The following PCDH9 variants were observed in gnomAD, a reference collection of about 807,000 sequenced individuals.
PCDH9 encodes protocadherin-9.
In PCDH9, 24 loss-of-function variants were observed where a neutral mutation model predicts 70.6. The ratio of observed to expected loss-of-function variants is 0.34; its 90% confidence interval spans 0.25 to 0.48. PCDH9 has a LOEUF of 0.48. PCDH9 is among the 20% of genes least tolerant of loss of function. PCDH9 has a pLI of 0.99. For synonymous variants in PCDH9, 562 were observed against 558.5 expected, an observed-to-expected ratio of 1.01 and a Z score of -0.09; for missense variants, 1,281 against 1,503.6, an observed-to-expected ratio of 0.85 and a Z score of 2.45.
intron 3 of PCDH9, among the ~76,000 whole-genome samples, chr13:66,737,773 T>A (rs552210866): frequency 2.6e-5 from 4 of 152,252 alleles, no homozygotes; most frequent in Non-Finnish European, 5.9e-5. Flanking sequence ...CACCCGAATA[T>A]TGCGCTTTTC....
At chr13:66,825,624 C>T (rs988222146) in intron 3 of PCDH9, among the ~76,000 whole-genome samples, 2 of 151,988 alleles carry the variant, frequency 1.3e-5, no homozygotes, top group Non-Finnish European at 2.9e-5. Context: ...CGTGAGCCAC[C>T]GCGCCCGGCC....
intron 4 of PCDH9, among the ~76,000 whole-genome samples, chr13:66,620,620 T>A (rs2077410690): frequency 6.6e-6 from 1 of 152,214 alleles, no homozygotes; most frequent in Admixed American, 6.5e-5. Flanking sequence ...ACTCTTTGTA[T>A]GCTTACTAGT....
At chr13:67,104,704 A>G (rs2086501426) in intron 2 of PCDH9, among the ~76,000 whole-genome samples, 1 of 151,968 alleles carries the variant, frequency 6.6e-6, no homozygotes, top group Non-Finnish European at 1.5e-5. Context: ...GCCCACCACC[A>G]CGCTAGGCTA....
At chr13:66,489,288 G>A (rs1412009365) in intron 4 of PCDH9, among the ~76,000 whole-genome samples, 1 of 151,994 alleles carries the variant, frequency 6.6e-6, no homozygotes, top group Non-Finnish European at 1.5e-5. Context: ...CCAAGACTGG[G>A]GTTTTTGCCC....
chr13:67,134,483 G>A (rs1466469655), intron 2 of PCDH9, among the ~76,000 whole-genome samples: 1 of 152,102 alleles, frequency 6.6e-6, no homozygotes, highest in South Asian at 2.1e-4. Context: ...GCAGCATTGA[G>A]ATGACCCTAG....
At chr13:66,913,232 G>C (rs1320663404) in intron 2 of PCDH9, among the ~76,000 whole-genome samples, 2 of 152,030 alleles carry the variant, frequency 1.3e-5, no homozygotes, top group Admixed American at 1.3e-4. Flanking sequence ...ATTTGTAAGA[G>C]TATAGATCCA....
chr13:66,975,993 G>A (rs1040237452), intron 2 of PCDH9, among the ~76,000 whole-genome samples: 2 of 152,034 alleles, frequency 1.3e-5, no homozygotes, highest in African/African-American at 2.4e-5. Context: ...ATTTTGCTAC[G>A]TTTTTAAAGA....
intron 3 of PCDH9, among the ~76,000 whole-genome samples, chr13:66,766,004 T>G (rs2079710939): frequency 6.6e-6 from 1 of 152,018 alleles, no homozygotes; most frequent in Non-Finnish European, 1.5e-5. Flanking sequence ...TGTAAATAAG[T>G]TTTACACTAG....
intron 2 of PCDH9, among the ~76,000 whole-genome samples, chr13:67,026,269 G>A (rs1048799906): frequency 1.3e-5 from 2 of 152,062 alleles, no homozygotes; most frequent in Non-Finnish European, 2.9e-5. Context: ...CAGGATTTTT[G>A]CATCAATGTT....
intron 3 of PCDH9, among the ~76,000 whole-genome samples, chr13:66,703,937 T>G (rs1194039807): frequency 6.6e-6 from 1 of 152,148 alleles, no homozygotes; most frequent in Non-Finnish European, 1.5e-5. Context: ...AACATTTCTA[T>G]TTGGTAAAAT....
chr13:66,629,924 G>A lies in PCDH9; in HGVS notation c.3340+1286C>T, dbSNP rs117955017. ...AAATGCTGGAAGTCAGAGAACACCA[G>A]TGCTGTATTACTATCACACAACTGG... On this transcript the variant is annotated intron_variant, in intron 4 of 4. Coordinates refer to ENST00000377865, the MANE Select transcript of PCDH9 (RefSeq NM_203487.3). Among the ~76,000 whole-genome samples the A allele has an allele frequency of 4.2e-3, 637 of 152,250 alleles. 19 individuals are homozygous for A. The East Asian group carries it at 0.081, about 19-fold the overall frequency.
intron 3 of PCDH9, among the ~76,000 whole-genome samples, chr13:66,842,002 G>C (rs2081123959): frequency 6.6e-6 from 1 of 152,150 alleles, no homozygotes; most frequent in African/African-American, 2.4e-5. Flanking sequence ...TGAGGGGAGG[G>C]AGAATCTAGC....
At chr13:67,073,973 T>C (rs78207021) in intron 2 of PCDH9, among the ~76,000 whole-genome samples, 1,934 of 152,238 alleles carry the variant, frequency 0.013, 16 homozygotes, top group Middle Eastern at 0.041. Context: ...TTTTGCACTA[T>C]AGACTTTCTG....
At chr13:67,086,416 T>C (rs922412729) in intron 2 of PCDH9, among the ~76,000 whole-genome samples, 1 of 152,190 alleles carries the variant, frequency 6.6e-6, no homozygotes, top group Non-Finnish European at 1.5e-5. Context: ...GTGACCAAAC[T>C]TGGCACTTCT....
chr13:67,115,008 A>AT lies in PCDH9; in HGVS notation c.3036+110396dup, dbSNP rs529857063. The stretch of plus-strand genomic sequence containing the variant: ...TTGTTATCTCTTTGTCTTTGTCAAG[A>AT]TTTTTTTTATTGTTTGTTTTGTTTT... On this transcript the variant is annotated intron_variant, in intron 2 of 4. Transcript: ENST00000377865. Among the ~76,000 whole-genome samples the AT allele has an allele frequency of 1.8e-4, 28 of 152,070 alleles. No individual in the cohort carries two copies. In the East Asian group the frequency reaches 5.0e-3, roughly 27 times the overall value.
At chr13:66,759,625 T>C (rs1253801191) in intron 3 of PCDH9, among the ~76,000 whole-genome samples, 1 of 152,122 alleles carries the variant, frequency 6.6e-6, no homozygotes, top group East Asian at 1.9e-4. Context: ...CTAGTAACAG[T>C]GCTTTCTTGT....
chr13:66,475,584 T>G (rs778228087), intron 4 of PCDH9, among the ~76,000 whole-genome samples: 3 of 152,052 alleles, frequency 2.0e-5, no homozygotes, highest in Non-Finnish European at 4.4e-5. Flanking sequence ...TCTTCTCCCT[T>G]TCACAATATT....
chr13:66,557,459 T>G (rs1044316150), intron 4 of PCDH9, among the ~76,000 whole-genome samples: 1 of 152,218 alleles, frequency 6.6e-6, no homozygotes, highest in Non-Finnish European at 1.5e-5. Flanking sequence ...ATTTAGGATA[T>G]TTCTTTCACA....
At chr13:66,633,848 C>T (rs956062928) in intron 3 of PCDH9, among the ~76,000 whole-genome samples, 5 of 152,078 alleles carry the variant, frequency 3.3e-5, no homozygotes, top group Non-Finnish European at 7.4e-5. Flanking sequence ...ATATTTCTTC[C>T]TCATAATGAA....
Sources: allele counts gnomAD v4.1 joint callset (sites outside exome capture counted in the v4.1 genomes callset), GRCh38; gene constraint gnomAD v4.1.1; transcripts MANE v1.5; gene names NCBI Gene and HGNC (gene_info 2026-07-23, HGNC 2026-07-21).